The following PTN variants were observed in gnomAD, a reference collection of about 807,000 sequenced individuals.
PTN encodes heparin affin regulatory protein.
Under a neutral mutation model 24.1 loss-of-function variants are expected in PTN, and 18 were observed. The ratio of observed to expected loss-of-function variants is 0.75; its 90% CI spans 0.52 to 1.11. PTN has a LOEUF of 1.11. Among genes scored for constraint, PTN ranks in the 50% least tolerant of loss-of-function variants. PTN has a pLI of 0.00. For synonymous variants in PTN, 78 were observed against 68.6 expected (o/e 1.14, Z -0.67); for missense variants, 163 against 198.8 (o/e 0.82, Z 1.08).
At chr7:137,283,226 A>G (rs1809501309) in intron 1 of PTN, among the ~76,000 whole-genome samples, 1 of 152,222 alleles carries the variant, frequency 6.6e-6, no homozygotes, top group African/African-American at 2.4e-5. Flanking sequence ...GCCTGGTTCC[A>G]TACGAGGAAC....
intron 3 of PTN, 33 bp downstream of exon 3, chr7:137,253,431 A>G (rs757923045): frequency 3.9e-6 from 6 of 1,545,278 alleles, no homozygotes; most frequent in Non-Finnish European, 5.3e-6. Context: ...ATTATCTCAG[A>G]GTAGGAGATT....
At chr7:137,251,185 A>G (rs752726715) in intron 4 of PTN, 45 bp downstream of exon 4, 1 of 1,595,490 alleles carries the variant, frequency 6.3e-7, no homozygotes, top group Non-Finnish European at 8.6e-7. Flanking sequence ...ATCTTACCTG[A>G]GTCCATCAAT....
At chr7:137,282,344 T>C (rs1049472880) in intron 1 of PTN, among the ~76,000 whole-genome samples, 2 of 152,220 alleles carry the variant, frequency 1.3e-5, no homozygotes, top group African/African-American at 4.8e-5. Flanking sequence ...GTGTATACAA[T>C]ATATCCAGAG....
At chr7:137,263,501 G>A (rs1170142850) in intron 1 of PTN, among the ~76,000 whole-genome samples, 2 of 152,132 alleles carry the variant, frequency 1.3e-5, no homozygotes, top group African/African-American at 4.8e-5. Context: ...GAATAGTCAA[G>A]GCTTGACAGG....
chr7:137,278,073 C>T (rs1054140616), intron 1 of PTN, among the ~76,000 whole-genome samples: 26 of 151,544 alleles, frequency 1.7e-4, no homozygotes, highest in African/African-American at 6.0e-4. Flanking sequence ...TTTGGGAGGC[C>T]GAGGCGGGTG....
chr7:137,337,827 G>A (rs1300078966), intron 1 of PTN, among the ~76,000 whole-genome samples: 2 of 152,160 alleles, frequency 1.3e-5, no homozygotes, highest in South Asian at 4.1e-4. Flanking sequence ...GTAAGGCAAG[G>A]GGATTAGGCA....
intron 1 of PTN, among the ~76,000 whole-genome samples, chr7:137,280,783 A>C (rs1360763706): frequency 1.4e-5 from 2 of 147,004 alleles, no homozygotes; most frequent in Non-Finnish European, 3.0e-5. Context: ...GAGGCCCAAG[A>C]ATTGGTTAAA....
intron 1 of PTN, among the ~76,000 whole-genome samples, chr7:137,273,957 T>G (rs533217934): frequency 6.6e-6 from 1 of 152,318 alleles, no homozygotes; most frequent in East Asian, 1.9e-4. Flanking sequence ...CAGCTCACTT[T>G]TGCTTATTTG....
At chr7:137,245,281 C>T (rs192531763) in intron 4 of PTN, among the ~76,000 whole-genome samples, 26 of 152,290 alleles carry the variant, frequency 1.7e-4, no homozygotes, top group African/African-American at 6.3e-4. Context: ...AGCTGAGTGA[C>T]TAGATTATAC....
intron 4 of PTN, among the ~76,000 whole-genome samples, chr7:137,240,817 A>T (rs1374410295): frequency 6.6e-6 from 1 of 152,172 alleles, no homozygotes; most frequent in Non-Finnish European, 1.5e-5. Context: ...AATGACACAG[A>T]AGAAGGAGCT....
chr7:137,264,378 C>T (rs1809099914), intron 1 of PTN, among the ~76,000 whole-genome samples: 1 of 152,130 alleles, frequency 6.6e-6, no homozygotes, highest in Admixed American at 6.6e-5. Flanking sequence ...AGTTGAAGTC[C>T]TTACTGTGCA....
At chr7:137,239,411 T>TTTATTTATTAC (rs1214451752) in intron 4 of PTN, among the ~76,000 whole-genome samples, 2 of 147,858 alleles carry the variant, frequency 1.4e-5, no homozygotes, top group African/African-American at 5.0e-5. Context: ...TATTTATTTA[T>TTTATTTATTAC]TATTATACTT....
chr7:137,255,533 T>C (rs1808906970), intron 1 of PTN, among the ~76,000 whole-genome samples: 1 of 152,230 alleles, frequency 6.6e-6, no homozygotes, highest in African/African-American at 2.4e-5. Context: ...TATCATCTTA[T>C]TATTCCATTA....
At chr7:137,267,117 A>G (rs1013861042) in intron 1 of PTN, among the ~76,000 whole-genome samples, 3 of 151,870 alleles carry the variant, frequency 2.0e-5, no homozygotes, top group Non-Finnish European at 2.9e-5. Flanking sequence ...GGTATATTGT[A>G]TTTTTCTTAA....
chr7:137,316,988 C>T (rs1810083790), intron 1 of PTN, among the ~76,000 whole-genome samples: 2 of 152,200 alleles, frequency 1.3e-5, no homozygotes, highest in Admixed American at 1.3e-4. Context: ...CAAGCCCGGC[C>T]TCTCCATTGG....
chr7:137,228,548 A>T (rs1319224934), intron 4 of PTN, among the ~76,000 whole-genome samples: 1 of 151,752 alleles, frequency 6.6e-6, no homozygotes, highest in Non-Finnish European at 1.5e-5. Context: ...TTTTCTGAGC[A>T]AACAATTGCA....
chr7:137,268,829 G>T (rs1047980792), intron 1 of PTN, among the ~76,000 whole-genome samples: 17 of 151,914 alleles, frequency 1.1e-4, no homozygotes, highest in Admixed American at 1.1e-3. Flanking sequence ...AATATGAGAG[G>T]GTCTCTCTTG....
At chr7:137,290,305 T>C (rs920357742) in intron 1 of PTN, among the ~76,000 whole-genome samples, 1 of 152,144 alleles carries the variant, frequency 6.6e-6, no homozygotes, top group Admixed American at 6.5e-5. Flanking sequence ...CTGTATCATA[T>C]TGCAATAAAA....
At chr7:137,230,827 A>C (rs1353691102) in intron 4 of PTN, among the ~76,000 whole-genome samples, 1 of 151,854 alleles carries the variant, frequency 6.6e-6, no homozygotes, top group Non-Finnish European at 1.5e-5. Context: ...AAGAAACTGA[A>C]ACATTCACAT....
Sources: gnomAD v4.1 joint callset for allele counts (sites outside exome capture counted in the v4.1 genomes callset) on GRCh38, gnomAD v4.1.1 for gene constraint, MANE v1.5 for transcripts, NCBI Gene and HGNC (gene_info 2026-07-23, HGNC 2026-07-21) for gene names.